Variants in SCFD2 observed in about 807,000 individuals in gnomAD.
The protein encoded by SCFD2 is sec1 family domain-containing protein 2.
In SCFD2, 54 loss-of-function variants were observed where a neutral mutation model predicts 58.9. That is an observed-to-expected ratio of 0.92 (90% CI 0.74 to 1.15). The LOEUF is 1.15. SCFD2 is among the 50% of genes most tolerant of loss of function. The probability of loss-of-function intolerance (pLI) is 0.00; values close to 1 mark genes in which losing one functional copy is unlikely to be tolerated. For synonymous variants in SCFD2, 321 were observed against 335.9 expected (o/e 0.96, Z 0.49); for missense variants, 805 against 836.6 (o/e 0.96, Z 0.47).
intron 5 of SCFD2, among the ~76,000 whole-genome samples, chr4:53,036,101 G>A (rs1722752675): frequency 6.6e-6 from 1 of 151,722 alleles, no homozygotes; most frequent in South Asian, 2.1e-4. Context: ...GGGTACATGT[G>A]CACAATGTGC....
intron 5 of SCFD2, among the ~76,000 whole-genome samples, chr4:53,093,055 G>A (rs1724518897): frequency 6.6e-6 from 1 of 152,100 alleles, no homozygotes; most frequent in Non-Finnish European, 1.5e-5. Flanking sequence ...GGCTCAGTGT[G>A]GTTGAATGAG....
chr4:53,328,368 G>T lies in SCFD2; in HGVS notation c.1008-14605C>A, dbSNP rs1403995318. Among the ~76,000 whole-genome samples the T allele has an allele frequency of 2.0e-5, 3 of 152,032 alleles. No individual in the cohort carries two copies. In the East Asian group the frequency reaches 5.8e-4, roughly 29 times the overall value. On this transcript the variant is annotated intron_variant, in intron 2 of 8. Transcript: ENST00000401642. The stretch of plus-strand genomic sequence containing the variant: ...GCTCTTAGAGAAATGACTGATTCCA[G>T]GACTAGCTAGGATAGGTACAAGATG...
intron 5 of SCFD2, among the ~76,000 whole-genome samples, chr4:52,992,482 C>G (rs1219495253): frequency 6.6e-6 from 1 of 152,150 alleles, no homozygotes; most frequent in Non-Finnish European, 1.5e-5. Context: ...CTCTGCATGG[C>G]CGCCCATCGT....
At chr4:53,189,052 T>G (rs956695354) in intron 4 of SCFD2, among the ~76,000 whole-genome samples, 1 of 152,168 alleles carries the variant, frequency 6.6e-6, no homozygotes, top group South Asian at 2.1e-4. Context: ...ATCAAGCACA[T>G]AGCCCAAGCT....
At position 53,041,968 on chromosome 4, in the gene SCFD2, G is replaced by A. The variant is rs190248591; in HGVS notation, c.1561+103365C>T. Among the ~76,000 whole-genome samples, 351 of 152,238 alleles carry A rather than the reference G, an allele frequency of 2.3e-3. 5 individuals are homozygous for A. The highest frequency in any genetic ancestry group is 3.4e-3 in the Middle Eastern group (1 of 294). ...ATGTTCCACTTTGTTAAGACAAGCTGAGGGACAAATAAGCTATGTCAAAAG... is the reference window on the plus strand; with the variant it reads ...ATGTTCCACTTTGTTAAGACAAGCTAAGGGACAAATAAGCTATGTCAAAAG... On this transcript the variant is annotated intron_variant, in intron 5 of 8. Coordinates refer to ENST00000401642, the MANE Select transcript of SCFD2 (RefSeq NM_152540.4).
chr4:52,948,169 T>C (rs991186695), intron 5 of SCFD2: 8 of 195,316 alleles, frequency 4.1e-5, no homozygotes, highest in Non-Finnish European at 8.5e-5. Context: ...GTAAATAAAA[T>C]AGAGGGATTA....
chr4:53,108,761 G>A (rs1273360305), intron 5 of SCFD2, among the ~76,000 whole-genome samples: 1 of 152,140 alleles, frequency 6.6e-6, no homozygotes, highest in African/African-American at 2.4e-5. Context: ...GGACCAGACA[G>A]AGTCACAGCT....
intron 4 of SCFD2, among the ~76,000 whole-genome samples, chr4:53,247,705 C>A (rs1404729901): frequency 2.0e-5 from 3 of 149,636 alleles, no homozygotes; most frequent in Non-Finnish European, 4.5e-5. Flanking sequence ...TAAAAAAATA[C>A]AAAAAATTAG....
chr4:53,152,358 G>GA (rs1030540265), intron 4 of SCFD2, among the ~76,000 whole-genome samples: 24 of 145,718 alleles, frequency 1.6e-4, no homozygotes, highest in East Asian at 4.0e-4. Context: ...ATGGCTAAGT[G>GA]AAAAAAAAAA....
At chr4:53,210,962 G>T (rs183363376) in intron 4 of SCFD2, among the ~76,000 whole-genome samples, 2 of 151,912 alleles carry the variant, frequency 1.3e-5, no homozygotes, top group Admixed American at 6.6e-5. Flanking sequence ...AACCCAAGAC[G>T]GGCCAGGCAT....
At chr4:53,349,960 G>A (rs893813656) in intron 2 of SCFD2, among the ~76,000 whole-genome samples, 2 of 152,112 alleles carry the variant, frequency 1.3e-5, no homozygotes, top group South Asian at 2.1e-4. Flanking sequence ...AACTGTATGC[G>A]TTACCTTAGG....
intron 5 of SCFD2, among the ~76,000 whole-genome samples, chr4:52,981,698 G>A (rs1050887559): frequency 3.9e-5 from 6 of 152,114 alleles, no homozygotes; most frequent in East Asian, 1.9e-4. Context: ...GGAAGGCCCC[G>A]AGTCAAAAAG....
chr4:53,005,088 G>A (rs991958504), intron 5 of SCFD2, among the ~76,000 whole-genome samples: 1 of 152,056 alleles, frequency 6.6e-6, no homozygotes, highest in African/African-American at 2.4e-5. Context: ...AGTAGAGACG[G>A]GGTTTCACTA....
At chr4:52,986,456 C>T (rs1415984382) in intron 5 of SCFD2, among the ~76,000 whole-genome samples, 1 of 149,846 alleles carries the variant, frequency 6.7e-6, no homozygotes, top group Non-Finnish European at 1.5e-5. Flanking sequence ...AGAAGAAAGA[C>T]ACTACCTTCA....
At chr4:53,138,752 G>T (rs1726016383) in intron 5 of SCFD2, among the ~76,000 whole-genome samples, 1 of 152,166 alleles carries the variant, frequency 6.6e-6, no homozygotes, top group Non-Finnish European at 1.5e-5. Context: ...GCTTCATTTT[G>T]TCAGAGATTT....
At chr4:52,874,424 A>C (rs945535556) in intron 8 of SCFD2, among the ~76,000 whole-genome samples, 26 of 152,336 alleles carry the variant, frequency 1.7e-4, no homozygotes, top group African/African-American at 6.3e-4. Context: ...TAATGCAGTA[A>C]TTTGACGTCA....
chr4:53,317,389 A>G (rs778315225), intron 2 of SCFD2, among the ~76,000 whole-genome samples: 1 of 152,176 alleles, frequency 6.6e-6, no homozygotes, highest in African/African-American at 2.4e-5. Flanking sequence ...ACATACACCT[A>G]TATCAGCATC....
chr4:53,282,619 C>T (rs1393968599), intron 3 of SCFD2, among the ~76,000 whole-genome samples: 1 of 151,794 alleles, frequency 6.6e-6, no homozygotes, highest in Non-Finnish European at 1.5e-5. Context: ...AAAAGAAACC[C>T]CATACCCAAA....
At chr4:53,127,460 G>T (rs1354760945) in intron 5 of SCFD2, among the ~76,000 whole-genome samples, 2 of 152,238 alleles carry the variant, frequency 1.3e-5, no homozygotes, top group South Asian at 4.2e-4. Context: ...ACAACGTTGA[G>T]CAAAACTCAC....
Sources: allele counts gnomAD v4.1 joint callset (sites outside exome capture counted in the v4.1 genomes callset), GRCh38; gene constraint gnomAD v4.1.1; transcripts MANE v1.5; gene names NCBI Gene and HGNC (gene_info 2026-07-23, HGNC 2026-07-21).